The following FSTL4 variants were observed in gnomAD, a reference collection of about 807,000 sequenced individuals.
The protein encoded by FSTL4 is follistatin-related protein 4.
FSTL4 carries 28 observed loss-of-function variants against 78.2 expected under a neutral mutation model. The observed-to-expected ratio is 0.36, with a 90% CI of 0.27 to 0.49. The LOEUF is 0.49. Ranked by LOEUF, FSTL4 falls within the 20% of genes least tolerant of loss-of-function variation. The pLI, the probability that FSTL4 is intolerant of heterozygous loss-of-function variation, is 0.98. For synonymous variants in FSTL4, 422 were observed against 440.5 expected (o/e 0.96, Z 0.53); for missense variants, 922 against 1,084.9 (o/e 0.85, Z 2.11).
intron 3 of FSTL4, among the ~76,000 whole-genome samples, chr5:133,471,940 T>C (rs1351778060): frequency 6.6e-6 from 1 of 152,192 alleles, no homozygotes; most frequent in Non-Finnish European, 1.5e-5. Flanking sequence ...AGTAGAATGA[T>C]ACGTCACCTC....
chr5:133,754,458 T>G, the FSTL4 span, among the ~76,000 whole-genome samples: 1 of 152,324 alleles, frequency 6.6e-6, no homozygotes, highest in South Asian at 2.1e-4. Flanking sequence ...CACACAAAAA[T>G]TCACAATGGC....
the FSTL4 span, among the ~76,000 whole-genome samples, chr5:133,641,919 CCTTCTTTCTTCTT>C: frequency 6.6e-6 from 1 of 151,366 alleles, no homozygotes; most frequent in Non-Finnish European, 1.5e-5. Flanking sequence ...TCCTCCTCCT[CCTTCTTTCTTCTT>C]CTTCTTTCCT....
chr5:133,511,064 C>T (rs189079802), intron 3 of FSTL4, among the ~76,000 whole-genome samples: 3 of 152,274 alleles, frequency 2.0e-5, no homozygotes, highest in Admixed American at 2.0e-4. Flanking sequence ...GTTTCTGGGC[C>T]TGAGATGAGA....
chr5:133,224,934 CCTGT>C lies in FSTL4; in HGVS notation c.1312+212_1312+215del, dbSNP rs376004182. Among the ~76,000 whole-genome samples, 237 of 152,300 alleles carry C rather than the reference CCTGT, an allele frequency of 1.6e-3. 1 individual carries two copies. The Middle Eastern group carries it at 0.017, about 11-fold the overall frequency. On this transcript the variant is annotated intron_variant, in intron 10 of 15. Coordinates refer to ENST00000265342, the MANE Select transcript of FSTL4 (RefSeq NM_015082.2). ...CTCTGTCTGCTGTCCAGGGAATCTC[CCTGT>C]CTGTTTCCAGAGTTGTCTAGGTTGC...
chr5:133,416,916 C>T (rs1756589563), intron 3 of FSTL4, among the ~76,000 whole-genome samples: 1 of 152,160 alleles, frequency 6.6e-6, no homozygotes, highest in Non-Finnish European at 1.5e-5. Context: ...CAGCTGGCAA[C>T]ATTTGAATGA....
the FSTL4 span, among the ~76,000 whole-genome samples, chr5:133,634,602 T>C: frequency 2.0e-5 from 3 of 152,090 alleles, no homozygotes; most frequent in Non-Finnish European, 4.4e-5. Flanking sequence ...ACAGGAAGAA[T>C]GGGGTGGGGG....
chr5:133,634,212 G>A, the FSTL4 span, among the ~76,000 whole-genome samples: 1 of 152,254 alleles, frequency 6.6e-6, no homozygotes, highest in East Asian at 1.9e-4. Context: ...TTGCAGCCTG[G>A]CAAGTGTGGT....
At position 133,321,803 on chromosome 5, in the gene FSTL4, G is replaced by A. The variant is rs370471621; in HGVS notation, c.410-5151C>T. Reference sequence around the variant, plus strand: ...GCATGACTCTTCCAGAGAAAAGGTGGGATGCTTGCATATAACCTTGACGTC... The same window carrying A: ...GCATGACTCTTCCAGAGAAAAGGTGAGATGCTTGCATATAACCTTGACGTC... On this transcript the variant is annotated intron_variant, in intron 4 of 15. Coordinates refer to ENST00000265342, the MANE Select transcript of FSTL4 (RefSeq NM_015082.2). Among the ~76,000 whole-genome samples the A allele has an allele frequency of 4.0e-3, 604 of 152,328 alleles. 4 individuals are homozygous for A. Among genetic ancestry groups the A allele is most frequent in the African/African-American group, 0.013 (556 of 41,566 alleles).
chr5:133,622,898 T>G, the FSTL4 span, among the ~76,000 whole-genome samples: 2 of 152,150 alleles, frequency 1.3e-5, no homozygotes, highest in Non-Finnish European at 2.9e-5. Context: ...CAAAAGTTTT[T>G]AATTTTGATG....
Position 133,563,534 on chromosome 5 carries a change from C to T in FSTL4, c.160+3652G>A, listed in dbSNP as rs557728054. On this transcript the variant is annotated intron_variant, in intron 3 of 15. Coordinates refer to ENST00000265342, the MANE Select transcript of FSTL4 (RefSeq NM_015082.2). ...ACTCAAGGGAAAGGGAGGTAAAGAA[C>T]GTGAACATTCTCTGAAAACATCAGA... Among the ~76,000 whole-genome samples, 7 of 152,338 alleles carry T rather than the reference C, an allele frequency of 4.6e-5. No individual in the cohort carries two copies. In the East Asian group the frequency reaches 5.8e-4, roughly 13 times the overall value.
chr5:133,640,643 T>C, the FSTL4 span, among the ~76,000 whole-genome samples: 248 of 152,318 alleles, frequency 1.6e-3, 2 homozygotes, highest in African/African-American at 5.7e-3. Context: ...TGTAATTTTC[T>C]ACACTACTGC....
chr5:133,331,035 C>G (rs905046641), intron 4 of FSTL4, among the ~76,000 whole-genome samples: 3 of 152,208 alleles, frequency 2.0e-5, no homozygotes, highest in African/African-American at 7.2e-5. Flanking sequence ...GCCATGGAGG[C>G]TCCTGGCCTC....
At chr5:133,656,463 A>G in the FSTL4 span, among the ~76,000 whole-genome samples, 1 of 152,174 alleles carries the variant, frequency 6.6e-6, no homozygotes, top group South Asian at 2.1e-4. Context: ...TTGGGCAAGG[A>G]GGCACAGGTT....
At position 133,467,257 on chromosome 5, in the gene FSTL4, A is replaced by AGTGTGTGT. The variant is rs34838954; in HGVS notation, c.161-66279_161-66272dup. On this transcript the variant is annotated intron_variant, in intron 3 of 15. Transcript: ENST00000265342. ...GCATGTGTGAGAATGAGTATATGTG[A>AGTGTGTGT]GTGTGTGTGTGTGTGTGTGTGTGTG... Among the ~76,000 whole-genome samples the AGTGTGTGT allele has an allele frequency of 4.5e-3, 630 of 139,250 alleles. 2 individuals carry two copies. The highest frequency in any genetic ancestry group is 0.014 in the African/African-American group (563 of 39,010). The allele number at this position is 139,250 out of a possible 152,430, so 91.4% of individuals were successfully genotyped here.
At position 133,375,291 on chromosome 5, in the gene FSTL4, C is replaced by CATATATATATGTGTGTGT. The variant is rs67110507; in HGVS notation, c.409+25446_409+25447insACACACACATATATATAT. Among the ~76,000 whole-genome samples the CATATATATATGTGTGTGT allele has an allele frequency of 2.1e-4, 12 of 57,946 alleles. 1 individual carries two copies. Among genetic ancestry groups the CATATATATATGTGTGTGT allele is most frequent in the Non-Finnish European group, 4.6e-4 (10 of 21,836 alleles). The allele number at this position is 57,946 out of a possible 152,430, so 38.0% of individuals were successfully genotyped here. On this transcript the variant is annotated intron_variant, in intron 4 of 15. Transcript: ENST00000265342. ...AACCCAAAACATAGGGTGTGCATGG[C>CATATATATATGTGTGTGT]ATATATATATATATATATATAAAAG...
intron 2 of FSTL4, among the ~76,000 whole-genome samples, chr5:133,570,275 T>C (rs1163680112): frequency 6.6e-6 from 1 of 152,058 alleles, no homozygotes; most frequent in Admixed American, 6.5e-5. Context: ...AAGTTTTCCT[T>C]TTATTATACT....
At chr5:133,523,069 A>G (rs1173541407) in intron 3 of FSTL4, among the ~76,000 whole-genome samples, 1 of 151,988 alleles carries the variant, frequency 6.6e-6, no homozygotes, top group East Asian at 1.9e-4. Context: ...CAAGGAGGTA[A>G]TTAACGTAAA....
chr5:133,734,938 G>C, the FSTL4 span, among the ~76,000 whole-genome samples: 1,065 of 152,296 alleles, frequency 7.0e-3, 10 homozygotes, highest in Non-Finnish European at 9.1e-3. Context: ...GGGTCAACAA[G>C]TGAGAATGAA....
chr5:133,455,221 C>T (rs541991798), intron 3 of FSTL4, among the ~76,000 whole-genome samples: 1 of 152,340 alleles, frequency 6.6e-6, no homozygotes, highest in Non-Finnish European at 1.5e-5. Context: ...CCTCTTTATT[C>T]CTTCATCTAC....
Sources: gnomAD v4.1 joint callset for allele counts (sites outside exome capture counted in the v4.1 genomes callset) on GRCh38, gnomAD v4.1.1 for gene constraint, MANE v1.5 for transcripts, NCBI Gene and HGNC (gene_info 2026-07-23, HGNC 2026-07-21) for gene names.